The following ZDHHC20 variants were observed in gnomAD, a reference collection of about 807,000 sequenced individuals.
The protein encoded by ZDHHC20 is palmitoyltransferase ZDHHC20.
ZDHHC20 carries 43 observed loss-of-function variants against 57.8 expected under a neutral mutation model. The ratio of observed to expected loss-of-function variants is 0.74; its 90% CI spans 0.58 to 0.96. ZDHHC20 has a LOEUF of 0.96. Ranked by LOEUF, ZDHHC20 falls within the 40% of genes least tolerant of loss-of-function variation. The pLI, the probability that ZDHHC20 is intolerant of heterozygous loss-of-function variation, is 0.00. For missense variants in ZDHHC20, 391 were observed against 441.1 expected, an observed-to-expected ratio of 0.89 and a Z score of 1.02; for synonymous variants, 157 against 153.0, an observed-to-expected ratio of 1.03 and a Z score of -0.19.
chr13:21,450,351 G>C lies in ZDHHC20; in HGVS notation c.118+8703C>G, dbSNP rs538556404. Among the ~76,000 whole-genome samples the C allele has an allele frequency of 3.3e-5, 5 of 152,270 alleles. No homozygotes were observed. In the East Asian group the frequency reaches 5.8e-4, roughly 18 times the overall value. On this transcript the variant is annotated intron_variant, in intron 1 of 12. Transcript: ENST00000400590. The stretch of plus-strand genomic sequence containing the variant: ...AGGTTCTTCTGAACAGTCTGACTTG[G>C]TTTCTAGGTTGTCCAGCATCTTTCT...
intron 1 of ZDHHC20, among the ~76,000 whole-genome samples, chr13:21,445,632 C>T (rs1054522199): frequency 1.3e-5 from 2 of 152,180 alleles, no homozygotes; most frequent in African/African-American, 2.4e-5. Flanking sequence ...TATATGAAAA[C>T]ATTCCAATTC....
At chr13:21,439,368 C>T (rs1460159573) in intron 1 of ZDHHC20, among the ~76,000 whole-genome samples, 4 of 152,102 alleles carry the variant, frequency 2.6e-5, no homozygotes, top group African/African-American at 9.7e-5. Context: ...GGCATGGTGG[C>T]ATATGCCTGT....
chr13:21,376,921 G>C, intron 12 of ZDHHC20: 1 of 239,422 alleles, frequency 4.2e-6, no homozygotes, highest in Non-Finnish European at 8.0e-6. Context: ...GACATCATCT[G>C]AGAAGACATC....
intron 7 of ZDHHC20, among the ~76,000 whole-genome samples, chr13:21,392,578 C>G (rs1875937293): frequency 6.6e-6 from 1 of 152,174 alleles, no homozygotes; most frequent in East Asian, 1.9e-4. Context: ...AACAGCTTCT[C>G]TGGTATCCCT....
intron 10 of ZDHHC20, 22 bp downstream of exon 10, chr13:21,382,898 A>T: frequency 6.5e-7 from 1 of 1,541,918 alleles, no homozygotes; most frequent in East Asian, 2.4e-5. Context: ...AATATAGAAA[A>T]GCATAAGGAC....
At chr13:21,426,234 A>G (rs757865459) in intron 1 of ZDHHC20, among the ~76,000 whole-genome samples, 5 of 152,188 alleles carry the variant, frequency 3.3e-5, no homozygotes, top group Non-Finnish European at 7.4e-5. Context: ...ACCTTGTATT[A>G]CTATTGTGAT....
At chr13:21,423,509 C>T (rs574798447) in intron 2 of ZDHHC20, among the ~76,000 whole-genome samples, 3 of 151,952 alleles carry the variant, frequency 2.0e-5, no homozygotes, top group Non-Finnish European at 4.4e-5. Flanking sequence ...AACTCCATCT[C>T]TACCAATACA....
At chr13:21,398,204 C>T (rs988657212) in intron 7 of ZDHHC20, among the ~76,000 whole-genome samples, 1 of 152,156 alleles carries the variant, frequency 6.6e-6, no homozygotes, top group African/African-American at 2.4e-5. Flanking sequence ...GTGGCTCACA[C>T]CTGTAATCCC....
Position 21,433,392 on chromosome 13 carries a change from C to T in ZDHHC20, c.119-7714G>A, listed in dbSNP as rs190743559. ...CAGCACTTTGGGAGGCTGAGGCGGG[C>T]GGATCATGAGGTCAGGAGATCGAGA... is the stretch of plus-strand genomic sequence containing the variant. On this transcript the variant is annotated intron_variant, in intron 1 of 12. Coordinates refer to ENST00000400590, the MANE Select transcript of ZDHHC20 (RefSeq NM_001330059.2). 5.3e-3 allele frequency among the ~76,000 whole-genome samples: 803 copies of T among 152,108 alleles called. 10 individuals are homozygous for T. Among genetic ancestry groups the T allele is most frequent in the African/African-American group, 0.018 (751 of 41,464 alleles).
rs540103314 is a variant in ZDHHC20 at position 21,399,983 on chromosome 13, G to A, written c.594+390C>T. ...GCTGTAAAATCTATAAAGACAGGAAGCAGTTTAGTGGCTGCCTGGGGCTGA... is the reference window on the plus strand; with the variant it reads ...GCTGTAAAATCTATAAAGACAGGAAACAGTTTAGTGGCTGCCTGGGGCTGA... On this transcript the variant is annotated intron_variant, in intron 7 of 12. Coordinates refer to ENST00000400590, the MANE Select transcript of ZDHHC20 (RefSeq NM_001330059.2). Among the ~76,000 whole-genome samples the A allele has an allele frequency of 2.5e-4, 38 of 151,714 alleles. 1 individual carries two copies. In the South Asian group the frequency reaches 7.5e-3, roughly 30 times the overall value.
intron 3 of ZDHHC20, among the ~76,000 whole-genome samples, chr13:21,419,045 T>G (rs1041830274): frequency 1.1e-4 from 17 of 152,210 alleles, no homozygotes; most frequent in African/African-American, 4.1e-4. Context: ...ATTCTATTTC[T>G]TATTTCCTGA....
rs1340318784 is a variant in ZDHHC20 at position 21,448,552 on chromosome 13, G to A, written c.118+10502C>T. On this transcript the variant is annotated intron_variant, in intron 1 of 12. Coordinates refer to ENST00000400590, the MANE Select transcript of ZDHHC20 (RefSeq NM_001330059.2). ...CCGGCCGCCCCTACTGGGAAGTGAG[G>A]AGCCCCTCTGCCCGGCCAGCCGCCC... 4.3e-5 allele frequency among the ~76,000 whole-genome samples: 4 copies of A among 93,640 alleles called. No homozygotes were observed. The East Asian group carries it at 7.6e-4, about 18-fold the overall frequency. 61.4% of individuals were successfully genotyped at this position (93,640 alleles called of 152,430 possible). A position where few individuals can be genotyped will look rare whatever the true frequency, so the allele number is the denominator to read the frequency against.
intron 1 of ZDHHC20, among the ~76,000 whole-genome samples, chr13:21,441,430 G>A (rs1280106293): frequency 6.7e-6 from 1 of 149,586 alleles, no homozygotes; most frequent in Non-Finnish European, 1.5e-5. Flanking sequence ...CTGTCGCCCA[G>A]GCTGGAGTGC....
intron 1 of ZDHHC20, among the ~76,000 whole-genome samples, chr13:21,429,252 G>A (rs899830562): frequency 1.3e-5 from 2 of 152,200 alleles, no homozygotes; most frequent in African/African-American, 4.8e-5. Context: ...TAACAAGTGA[G>A]AAGCACGTGA....
Position 21,375,922 on chromosome 13 carries a change from GA to G in ZDHHC20, c.*773del, listed in dbSNP as rs367626805. The G allele has an allele frequency of 7.9e-5, 12 of 152,112 alleles. No homozygotes were observed. Among genetic ancestry groups the G allele is most frequent in the African/African-American group, 2.9e-4 (12 of 41,510 alleles). 9.4% of individuals were successfully genotyped at this position (152,112 alleles called of 1,614,324 possible). A position where few individuals can be genotyped will look rare whatever the true frequency, so the allele number is the denominator to read the frequency against. ...TTTCTCTGCCCATGTACATACCCCT[GA>G]AAGTTCAACAAAAAAAGCTATAAAA... On this transcript the variant is annotated 3_prime_UTR_variant, in exon 13 of 13. Transcript: ENST00000400590.
intron 5 of ZDHHC20, among the ~76,000 whole-genome samples, chr13:21,402,587 C>T (rs1336035564): frequency 6.6e-6 from 1 of 152,180 alleles, no homozygotes; most frequent in Non-Finnish European, 1.5e-5. Flanking sequence ...ATTCTATTAA[C>T]TGGTATAGGA....
In ZDHHC20 at chr13:21,407,808, A is replaced by T. The variant is rs1031417328; in HGVS notation, c.371-4942T>A. Among the ~76,000 whole-genome samples, 51 of 152,216 alleles carry T rather than the reference A, an allele frequency of 3.4e-4. 1 individual carries two copies. Among genetic ancestry groups the T allele is most frequent in the African/African-American group, 1.2e-3 (51 of 41,468 alleles). On this transcript the variant is annotated intron_variant, in intron 4 of 12. Transcript: ENST00000400590. ...GTTAATTTTTGTATAAGGTGTAAGGAAGAGATCCAGTTTCAGTTTTCTGCA... is the reference window on the plus strand; with the variant it reads ...GTTAATTTTTGTATAAGGTGTAAGGTAGAGATCCAGTTTCAGTTTTCTGCA...
Position 21,430,459 on chromosome 13 carries a change from G to A in ZDHHC20, c.119-4781C>T, listed in dbSNP as rs114324585. ...ATGAAAATCTAGGCTCCTGACTAGG[G>A]CTTCACCTTTTCTGATACTATCCCA... On this transcript the variant is annotated intron_variant, in intron 1 of 12. Coordinates refer to ENST00000400590, the MANE Select transcript of ZDHHC20 (RefSeq NM_001330059.2). Among the ~76,000 whole-genome samples the A allele has an allele frequency of 6.7e-3, 1,014 of 152,054 alleles. 15 individuals are homozygous for A. The highest frequency in any genetic ancestry group is 0.023 in the African/African-American group (940 of 41,478).
chr13:21,403,336 T>A (rs1348767027), intron 4 of ZDHHC20, among the ~76,000 whole-genome samples: 1 of 151,972 alleles, frequency 6.6e-6, no homozygotes, highest in Non-Finnish European at 1.5e-5. Context: ...CTACCCCAGA[T>A]AAACAATAAA....
Sources: gnomAD v4.1 joint callset for allele counts (sites outside exome capture counted in the v4.1 genomes callset) on GRCh38, gnomAD v4.1.1 for gene constraint, MANE v1.5 for transcripts, NCBI Gene and HGNC (gene_info 2026-07-23, HGNC 2026-07-21) for gene names.